MAL: variants seen among roughly 807,000 people sequenced by gnomAD.
MAL encodes the protein myelin and lymphocyte protein.
MAL carries 5 observed loss-of-function variants against 16.7 expected under a neutral mutation model. That is an observed-to-expected ratio of 0.30 (90% confidence interval 0.16 to 0.63). The LOEUF is 0.63. Among genes scored for constraint, MAL ranks in the 30% least tolerant of loss-of-function variants. The probability of loss-of-function intolerance (pLI) is 0.82; values close to 1 mark genes in which losing one functional copy is unlikely to be tolerated. For synonymous variants in MAL, 96 were observed against 85.5 expected (o/e 1.12, Z -0.67); for missense variants, 202 against 195.8 (o/e 1.03, Z -0.19).
Position 95,025,956 on chromosome 2 carries a change from C to G in MAL, c.93+71C>G. On this transcript the variant is annotated intron_variant, in intron 1 of 3. Transcript: ENST00000309988. This position sits in a 1 kb window ranked among gnomAD's most constrained non-coding sequence, Gnocchi z 5.6. ...GCGCTCTCTCGGGCGCCCAGCACAGCTGTCGGACGGGATCCGCTAGCTGCG... is the reference window on the plus strand; with the variant it reads ...GCGCTCTCTCGGGCGCCCAGCACAGGTGTCGGACGGGATCCGCTAGCTGCG... 1 of 1,338,098 alleles carries G rather than the reference C, an allele frequency of 7.5e-7. No homozygotes were observed. Among genetic ancestry groups the G allele is most frequent in the Non-Finnish European group, 1.0e-6 (1 of 973,100 alleles). 82.9% of individuals were successfully genotyped at this position (1,338,098 alleles called of 1,614,324 possible). A position where few individuals can be genotyped will look rare whatever the true frequency, so the allele number is the denominator to read the frequency against.
chr2:95,032,737 G>C (rs943656386), intron 1 of MAL, among the ~76,000 whole-genome samples: 3 of 152,160 alleles, frequency 2.0e-5, no homozygotes, highest in Non-Finnish European at 4.4e-5. Flanking sequence ...CTGGTGAAAG[G>C]TTTGATACCC....
intron 3 of MAL, 95 bp from the exon 4 acceptor site, chr2:95,053,286 G>GC (rs1008955573): frequency 3.7e-5 from 31 of 846,100 alleles, no homozygotes; most frequent in African/African-American, 1.2e-4. Flanking sequence ...TCTGGGTCTG[G>GC]CCCCCCCTAC....
intron 1 of MAL, among the ~76,000 whole-genome samples, chr2:95,042,310 C>T (rs150397299): frequency 7.4e-4 from 112 of 152,348 alleles, no homozygotes; most frequent in African/African-American, 2.6e-3. Flanking sequence ...CCTTATGTTA[C>T]GGCAACACAT....
In MAL at chr2:95,053,602, C is replaced by A. The variant is rs1200591383; in HGVS notation, c.*147C>A. On this transcript the variant is annotated 3_prime_UTR_variant, in exon 4 of 4. Coordinates refer to ENST00000309988, the MANE Select transcript of MAL (RefSeq NM_002371.4). Reference sequence around the variant, plus strand: ...CCACTGCCCAAAAAAAAAAGCCCTGCCCTGTTGCTCGTGGGTGCTGTGTTT... The same window carrying A: ...CCACTGCCCAAAAAAAAAAGCCCTGACCTGTTGCTCGTGGGTGCTGTGTTT... 7 of 650,440 alleles carry A rather than the reference C, an allele frequency of 1.1e-5. No individual in the cohort carries two copies. The East Asian group carries it at 1.9e-4, about 17-fold the overall frequency. 40.3% of individuals were successfully genotyped at this position (650,440 alleles called of 1,614,324 possible).
Position 95,047,938 on chromosome 2 carries a change from AC to A in MAL, c.94-17del. 2 of 1,607,944 alleles carry A rather than the reference AC, an allele frequency of 1.2e-6. No individual in the cohort carries two copies. The highest frequency in any genetic ancestry group is 1.7e-6 in the Non-Finnish European group (2 of 1,177,348). The stretch of plus-strand genomic sequence containing the variant: ...GGGGCTCTCCTCTAGGCCAAAACTC[AC>A]CCCTCCTCCTCCCCCGCAGATCTTC... On this transcript the variant is annotated intron_variant, in intron 1 of 3. Transcript: ENST00000309988.
intron 1 of MAL, among the ~76,000 whole-genome samples, chr2:95,032,636 G>A (rs1674111813): frequency 6.6e-6 from 1 of 152,216 alleles, no homozygotes; most frequent in African/African-American, 2.4e-5. Context: ...CCTTCTCACA[G>A]CTTTCAGATT....
At chr2:95,050,165 G>A (rs1573302665) in intron 3 of MAL, among the ~76,000 whole-genome samples, 1 of 152,196 alleles carries the variant, frequency 6.6e-6, no homozygotes, top group South Asian at 2.1e-4. Context: ...CTCAGCACCA[G>A]TTTGGGGCTG....
At chr2:95,026,493 G>T in intron 1 of MAL, 1 of 138,066 alleles carries the variant, frequency 7.2e-6, no homozygotes, top group African/African-American at 2.6e-5. Flanking sequence ...GCGGGGTGGG[G>T]GTGGAGGAGA....
At position 95,025,922 on chromosome 2, in the gene MAL, C is replaced by A; in HGVS notation, c.93+37C>A. On this transcript the variant is annotated intron_variant, in intron 1 of 3. Transcript: ENST00000309988. This position sits in a 1 kb window ranked among gnomAD's most constrained non-coding sequence, Gnocchi z 5.6. Reference sequence around the variant, plus strand: ...CTGGCCGGGGAAGGGACGGGGTGGGCTGAGCCGTGCGCTCTCTCGGGCGCC... The same window carrying A: ...CTGGCCGGGGAAGGGACGGGGTGGGATGAGCCGTGCGCTCTCTCGGGCGCC... 1 of 1,496,110 alleles carries A rather than the reference C, an allele frequency of 6.7e-7. No individual in the cohort carries two copies. Among genetic ancestry groups the A allele is most frequent in the East Asian group, 2.6e-5 (1 of 37,742 alleles). The allele number at this position is 1,496,110 out of a possible 1,614,324, so 92.7% of individuals were successfully genotyped here.
intron 1 of MAL, among the ~76,000 whole-genome samples, chr2:95,032,260 T>G (rs1674102602): frequency 6.6e-6 from 1 of 152,262 alleles, no homozygotes; most frequent in Non-Finnish European, 1.5e-5. Flanking sequence ...CATATTGTGC[T>G]GCCAGCACAG....
Position 95,053,584 on chromosome 2 carries a change from C to T in MAL, c.*129C>T, listed in dbSNP as rs1397002297. 9.9e-6 allele frequency: 7 copies of T among 707,374 alleles called. No homozygotes were observed. Among genetic ancestry groups the T allele is most frequent in the Non-Finnish European group, 1.7e-5 (7 of 420,912 alleles). 43.8% of individuals were successfully genotyped at this position (707,374 alleles called of 1,614,324 possible). ...AAGAAAACAACCACCCCCCCACTGC[C>T]CAAAAAAAAAAGCCCTGCCCTGTTG... On this transcript the variant is annotated 3_prime_UTR_variant, in exon 4 of 4. Transcript: ENST00000309988.
intron 3 of MAL, 94 bp from the exon 4 acceptor site, chr2:95,053,286 GC>G (rs1008955573): frequency 1.3e-5 from 11 of 845,972 alleles, no homozygotes; most frequent in Non-Finnish European, 1.8e-5. Flanking sequence ...TCTGGGTCTG[GC>G]CCCCCCTACG....
chr2:95,047,742 A>T (rs930902962), intron 1 of MAL, among the ~76,000 whole-genome samples: 1 of 152,190 alleles, frequency 6.6e-6, no homozygotes, highest in Non-Finnish European at 1.5e-5. Flanking sequence ...TAAAAAGTTA[A>T]TCAGGGCAAG....
intron 1 of MAL, among the ~76,000 whole-genome samples, 171 bp from the exon 2 acceptor site, chr2:95,047,787 GC>G (rs1252716710): frequency 2.0e-5 from 3 of 152,220 alleles, no homozygotes; most frequent in Non-Finnish European, 4.4e-5. Flanking sequence ...CCAGCACAGG[GC>G]CCTGGGGGGA....
intron 1 of MAL, among the ~76,000 whole-genome samples, chr2:95,038,511 AGTGGGTGAGT>A (rs1674320889): frequency 2.0e-5 from 3 of 150,664 alleles, no homozygotes; most frequent in Non-Finnish European, 4.4e-5. Flanking sequence ...TGAGTGAGTG[AGTGGGTGAGT>A]GAGTGACTGA....
chr2:95,025,985 G>C lies in MAL; in HGVS notation c.93+100G>C. Reference sequence around the variant, plus strand: ...CGGACGGGATCCGCTAGCTGCGCAGGTTCTGGGAGCATCGGGGCAGCAGGC... The same window carrying C: ...CGGACGGGATCCGCTAGCTGCGCAGCTTCTGGGAGCATCGGGGCAGCAGGC... On this transcript the variant is annotated intron_variant, in intron 1 of 3. Transcript: ENST00000309988. The surrounding 1 kb of genome is among the most constrained non-coding windows in gnomAD (Gnocchi z 5.6). 1 of 1,062,066 alleles carries C rather than the reference G, an allele frequency of 9.4e-7. No individual in the cohort carries two copies. Among genetic ancestry groups the C allele is most frequent in the Non-Finnish European group, 1.3e-6 (1 of 740,896 alleles). 65.8% of individuals were successfully genotyped at this position (1,062,066 alleles called of 1,614,324 possible).
chr2:95,035,667 A>ATT (rs747522452), intron 1 of MAL, among the ~76,000 whole-genome samples: 168 of 130,968 alleles, frequency 1.3e-3, no homozygotes, highest in African/African-American at 3.0e-3. Context: ...CAGCTCTTAG[A>ATT]TTTTTTTTTT....
At chr2:95,052,372 T>C (rs1349251298) in intron 3 of MAL, among the ~76,000 whole-genome samples, 3 of 152,170 alleles carry the variant, frequency 2.0e-5, no homozygotes, top group African/African-American at 7.2e-5. Flanking sequence ...CCACCTTTTA[T>C]GGAGGGCTGC....
intron 1 of MAL, among the ~76,000 whole-genome samples, chr2:95,040,117 C>CG (rs1310264760): frequency 1.3e-5 from 2 of 151,748 alleles, no homozygotes; most frequent in Non-Finnish European, 2.9e-5. Flanking sequence ...CCAGCTCTAC[C>CG]TACCTACACA....
Sources: gnomAD v4.1 joint callset for allele counts (sites outside exome capture counted in the v4.1 genomes callset) on GRCh38, gnomAD v4.1.1 for gene constraint, Gnocchi (gnomAD v3.1) non-coding constraint, MANE v1.5 for transcripts, NCBI Gene and HGNC (gene_info 2026-07-23, HGNC 2026-07-21) for gene names.